Variants in LRP1B observed in about 807,000 individuals in gnomAD.
The protein encoded by LRP1B is LDL receptor related protein 1B, also known as low-density lipoprotein receptor-related protein 1B.
Under a neutral mutation model 556.6 loss-of-function variants are expected in LRP1B, and 217 were observed. That is an observed-to-expected ratio of 0.39 (90% confidence interval 0.35 to 0.44). The LOEUF (loss-of-function observed/expected upper bound fraction) is 0.44. Ranked by LOEUF, LRP1B falls within the 20% of genes least tolerant of loss-of-function variation. The pLI, the probability that LRP1B is intolerant of heterozygous loss-of-function variation, is 1.00. For synonymous variants in LRP1B, 2,047 were observed against 1,865.8 expected (o/e 1.10, Z -2.50); for missense variants, 5,053 against 5,620.8 (o/e 0.90, Z 3.23).
intron 20 of LRP1B, among the ~76,000 whole-genome samples, chr2:140,949,584 CT>C (rs11362098): frequency 0.95 from 144,063 of 151,468 alleles, 68,891 homozygotes; most frequent in Non-Finnish European, 1. Flanking sequence ...TTATTCCTTT[CT>C]TTTTTTTTTA....
chr2:141,051,348 T>C (rs1402170762), intron 10 of LRP1B, among the ~76,000 whole-genome samples: 2 of 152,084 alleles, frequency 1.3e-5, no homozygotes, highest in African/African-American at 4.8e-5. Flanking sequence ...TGCAGCATTA[T>C]TTAAATAGCA....
At chr2:141,308,120 C>T (rs967842493) in intron 3 of LRP1B, among the ~76,000 whole-genome samples, 1 of 152,122 alleles carries the variant, frequency 6.6e-6, no homozygotes, top group Non-Finnish European at 1.5e-5. Context: ...ATGGCATGTT[C>T]AGGCACTGGT....
At chr2:140,657,135 T>C (rs1684906951) in intron 41 of LRP1B, among the ~76,000 whole-genome samples, 1 of 152,120 alleles carries the variant, frequency 6.6e-6, no homozygotes, top group African/African-American at 2.4e-5. Flanking sequence ...CATGAGTGTT[T>C]TCTCAGGAAC....
At chr2:140,274,279 T>G in intron 85 of LRP1B, 145 bp downstream of exon 85, 1 of 660,544 alleles carries the variant, frequency 1.5e-6, no homozygotes, top group Non-Finnish European at 2.6e-6. Context: ...GAACTAGACT[T>G]ACTCTCTAAT....
intron 1 of LRP1B, among the ~76,000 whole-genome samples, chr2:141,912,561 G>A (rs1051890051): frequency 3.3e-5 from 5 of 152,146 alleles, no homozygotes; most frequent in African/African-American, 1.2e-4. Flanking sequence ...AAACTCAGGC[G>A]ATGTGGGGAG....
At chr2:141,585,682 C>T (rs1184137330) in intron 2 of LRP1B, among the ~76,000 whole-genome samples, 1 of 152,026 alleles carries the variant, frequency 6.6e-6, no homozygotes, top group Non-Finnish European at 1.5e-5. Flanking sequence ...AATAATTTAA[C>T]TGGAATGTCA....
At chr2:141,321,324 G>A (rs1187927043) in intron 3 of LRP1B, among the ~76,000 whole-genome samples, 1 of 151,940 alleles carries the variant, frequency 6.6e-6, no homozygotes, top group East Asian at 1.9e-4. Context: ...AAGAAATCAG[G>A]CACAGCTTTA....
intron 3 of LRP1B, among the ~76,000 whole-genome samples, chr2:141,263,395 T>C (rs1003209748): frequency 2.0e-5 from 3 of 152,050 alleles, no homozygotes; most frequent in Non-Finnish European, 2.9e-5. Flanking sequence ...TCTAGGCCCA[T>C]ATTGACAACT....
At chr2:140,801,190 C>G (rs900060680) in intron 32 of LRP1B, among the ~76,000 whole-genome samples, 1 of 152,082 alleles carries the variant, frequency 6.6e-6, no homozygotes, top group African/African-American at 2.4e-5. Context: ...GAAGCGAGAC[C>G]TGTTCGTACA....
In LRP1B at chr2:141,818,757, C is replaced by T. The variant is rs376653710; in HGVS notation, c.83-8356G>A. On this transcript the variant is annotated intron_variant, in intron 1 of 90. Transcript: ENST00000389484. ...TTCACCGTGTTAGCCAGGATGGTCT[C>T]GATCTCCTGACCTCGTGATCTGCCC... Among the ~76,000 whole-genome samples, 35 of 150,834 alleles carry T rather than the reference C, an allele frequency of 2.3e-4. No homozygotes were observed. In the South Asian group the frequency reaches 7.4e-3, roughly 32 times the overall value.
intron 77 of LRP1B, among the ~76,000 whole-genome samples, chr2:140,342,669 G>T (rs563682412): frequency 1.3e-5 from 2 of 151,482 alleles, no homozygotes; most frequent in Admixed American, 1.3e-4. Context: ...CCATACTCAC[G>T]TATACGTTTT....
intron 3 of LRP1B, among the ~76,000 whole-genome samples, chr2:141,408,465 A>G (rs948991043): frequency 2.6e-5 from 4 of 151,970 alleles, no homozygotes; most frequent in African/African-American, 9.7e-5. Context: ...GGTTTTTAAG[A>G]TTTCTTAGAT....
At chr2:140,379,686 C>T (rs2105186102) in intron 67 of LRP1B, among the ~76,000 whole-genome samples, 2 of 152,232 alleles carry the variant, frequency 1.3e-5, no homozygotes, top group South Asian at 4.1e-4. Context: ...CAAAGCAAGA[C>T]TGTGCTTCGG....
chr2:140,412,660 A>G (rs577473945), intron 66 of LRP1B, among the ~76,000 whole-genome samples: 1 of 152,166 alleles, frequency 6.6e-6, no homozygotes, highest in East Asian at 1.9e-4. Flanking sequence ...TTCTCTCAAC[A>G]ACTCTATGAT....
At chr2:141,417,928 C>T (rs62167982) in intron 3 of LRP1B, among the ~76,000 whole-genome samples, 11,843 of 151,982 alleles carry the variant, frequency 0.078, 604 homozygotes, top group South Asian at 0.18. Context: ...TTCCTTATAG[C>T]TATGAGGTAA....
intron 9 of LRP1B, among the ~76,000 whole-genome samples, chr2:141,057,815 C>T (rs1251239879): frequency 6.6e-6 from 1 of 151,748 alleles, no homozygotes; most frequent in Non-Finnish European, 1.5e-5. Flanking sequence ...ATCCCCATGC[C>T]TTTCTCCTTC....
intron 3 of LRP1B, among the ~76,000 whole-genome samples, chr2:141,410,455 A>G (rs886564828): frequency 6.6e-6 from 1 of 152,078 alleles, no homozygotes; most frequent in South Asian, 2.1e-4. Flanking sequence ...TGTCATCAAC[A>G]AATTGAATAA....
intron 3 of LRP1B, among the ~76,000 whole-genome samples, chr2:141,365,359 A>G (rs1277582282): frequency 1.3e-5 from 2 of 152,088 alleles, no homozygotes; most frequent in Non-Finnish European, 2.9e-5. Flanking sequence ...TTTATCATGC[A>G]TCTTAAGAAA....
intron 66 of LRP1B, among the ~76,000 whole-genome samples, chr2:140,411,115 T>C (rs1684953126): frequency 6.6e-6 from 1 of 152,174 alleles, no homozygotes; most frequent in South Asian, 2.1e-4. Context: ...GAGCCAAGTA[T>C]TGTTTCACCA....
Sources: gnomAD v4.1 joint callset for allele counts (sites outside exome capture counted in the v4.1 genomes callset) on GRCh38, gnomAD v4.1.1 for gene constraint, MANE v1.5 for transcripts, NCBI Gene and HGNC (gene_info 2026-07-23, HGNC 2026-07-21) for gene names.